Variants in CFAP251 observed in about 807,000 individuals in gnomAD.
CFAP251 encodes cilia and flagella associated protein 251, also known as cilia- and flagella-associated protein 251.
In CFAP251, 93 loss-of-function variants were observed where a neutral mutation model predicts 126.7. That is an observed-to-expected ratio of 0.73 (90% CI 0.62 to 0.87). The LOEUF (loss-of-function observed/expected upper bound fraction) is 0.87. Among genes scored for constraint, CFAP251 ranks in the 40% least tolerant of loss-of-function variants. The pLI is 0.00. For synonymous variants in CFAP251, 503 were observed against 506.9 expected, an observed-to-expected ratio of 0.99 and a Z score of 0.10; for missense variants, 1,287 against 1,389.2, an observed-to-expected ratio of 0.93 and a Z score of 1.17.
chr12:122,000,569 A>AAAAAG lies in CFAP251; in HGVS notation c.3235+640_3235+644dup, dbSNP rs916847749. On this transcript the variant is annotated intron_variant, in intron 20 of 21. Transcript: ENST00000288912. Reference sequence around the variant, plus strand: ...TGTCAAAAAAAAAAAAAAGAAAGAAAAAAAGAAAAGAAAAGAAAACAAATA... The same window carrying AAAAAG: ...TGTCAAAAAAAAAAAAAAGAAAGAAAAAAAGAAAAGAAAAGAAAAGAAAACAAATA... 4.8e-3 allele frequency among the ~76,000 whole-genome samples: 726 copies of AAAAAG among 151,920 alleles called. 9 individuals carry two copies. Among genetic ancestry groups the AAAAAG allele is most frequent in the African/African-American group, 0.017 (699 of 41,324 alleles).
In CFAP251 at chr12:121,968,138, C is replaced by T. The variant is rs766932086; in HGVS notation, c.2740C>T (p.Arg914Cys). The change falls in exon 17 of 22, where the codon CGC becomes TGC. Residue 914 changes from arginine to cysteine, a missense_variant. By Grantham distance (180) the Arg-to-Cys change is radical. Transcript: ENST00000288912. ...CGCCTTCACTGCGGGAGGGCACGAT[C>T]GCTCGGTGGTGCAGTGGAAAATCAC... The part of the protein sequence containing the change: ...CYAFTAGGHD[R>C]SVVQWKITLS... 20 of 1,610,716 alleles carry T rather than the reference C, an allele frequency of 1.2e-5. No individual in the cohort carries two copies. The highest frequency in any genetic ancestry group is 5.0e-5 in the Admixed American group (3 of 59,856).
intron 3 of CFAP251, among the ~76,000 whole-genome samples, chr12:121,924,518 C>T (rs2688409): frequency 0.3 from 44,642 of 149,018 alleles, 7,049 homozygotes; most frequent in East Asian, 0.5. Flanking sequence ...CTGCAACCTC[C>T]GCCTCCCGGG....
intron 5 of CFAP251, among the ~76,000 whole-genome samples, chr12:121,938,680 T>C (rs148944592): frequency 2.6e-3 from 390 of 148,850 alleles, no homozygotes; most frequent in African/African-American, 8.6e-3. Context: ...AATAGAAAAC[T>C]CTTAAATTTA....
At chr12:122,002,803 C>T (rs574692721) in intron 21 of CFAP251, among the ~76,000 whole-genome samples, 12 of 152,194 alleles carry the variant, frequency 7.9e-5, no homozygotes, top group South Asian at 2.1e-4. Flanking sequence ...CTGACAAGCC[C>T]GGGGATGGTC....
At chr12:121,924,366 C>T (rs1440109156) in intron 3 of CFAP251, among the ~76,000 whole-genome samples, 2 of 150,732 alleles carry the variant, frequency 1.3e-5, no homozygotes, top group South Asian at 2.1e-4. Flanking sequence ...CCACCTGCTT[C>T]GGTCTCCCAA....
intron 15 of CFAP251, 27 bp downstream of exon 15, chr12:121,962,189 G>T: frequency 6.2e-7 from 1 of 1,604,126 alleles, no homozygotes; most frequent in Non-Finnish European, 8.5e-7. Flanking sequence ...TCCCATTGCA[G>T]GGGGCGTGGA....
intron 3 of CFAP251, among the ~76,000 whole-genome samples, chr12:121,926,581 G>T (rs879382021): frequency 6.6e-6 from 1 of 152,102 alleles, no homozygotes; most frequent in Non-Finnish European, 1.5e-5. Flanking sequence ...TCCCGCCTCG[G>T]CCTCCCAAAG....
At chr12:121,926,718 G>T (rs1311958817) in intron 3 of CFAP251, among the ~76,000 whole-genome samples, 1 of 152,162 alleles carries the variant, frequency 6.6e-6, no homozygotes, top group Non-Finnish European at 1.5e-5. Context: ...CCCAAGGTGG[G>T]TGGATCACCT....
At chr12:121,956,025 A>G (rs879659050) in intron 10 of CFAP251, 10 of 152,206 alleles carry the variant, frequency 6.6e-5, no homozygotes, top group East Asian at 3.8e-4. Flanking sequence ...CACTCTGCAT[A>G]TGTAAGAGAA....
chr12:121,920,686 A>G (rs1278944379), intron 1 of CFAP251, among the ~76,000 whole-genome samples: 3 of 151,162 alleles, frequency 2.0e-5, no homozygotes, highest in African/African-American at 7.3e-5. Context: ...GTGAGCCACC[A>G]CGCCCGGCCA....
intron 3 of CFAP251, among the ~76,000 whole-genome samples, chr12:121,927,155 A>T (rs1880451571): frequency 6.7e-6 from 1 of 149,424 alleles, no homozygotes; most frequent in African/African-American, 2.5e-5. Context: ...ATGCCTGTGC[A>T]CATGGCTCAC....
intron 3 of CFAP251, among the ~76,000 whole-genome samples, chr12:121,930,199 A>T (rs1880625627): frequency 1.3e-5 from 2 of 152,058 alleles, no homozygotes; most frequent in South Asian, 4.1e-4. Flanking sequence ...TTTTTAAAAA[A>T]TACTTTGAGC....
Position 121,999,794 on chromosome 12 carries a change from G to A in CFAP251, c.3085G>A (p.Asp1029Asn), listed in dbSNP as rs781570711. The A allele has an allele frequency of 6.2e-7, 1 of 1,614,002 alleles. No individual in the cohort carries two copies. Among genetic ancestry groups the A allele is most frequent in the Non-Finnish European group, 8.5e-7 (1 of 1,179,956 alleles). The change falls in exon 20 of 22, where the codon GAT (aspartate) becomes AAT (asparagine). Residue 1029 changes from aspartate (D) to asparagine (N), a missense_variant. By Grantham distance (23) the Asp-to-Asn change is conservative. Transcript: ENST00000288912. The stretch of plus-strand genomic sequence containing the variant: ...GCTAATCGACAAGATCAACTTACCA[G>A]ATTTCCTAAAAGTGTACCTTAACCA... ...GKLIDKINLP[D>N]FLKVYLNHKP...
intron 19 of CFAP251, among the ~76,000 whole-genome samples, chr12:121,978,060 T>C (rs1221690366): frequency 6.6e-6 from 1 of 151,616 alleles, no homozygotes; most frequent in Non-Finnish European, 1.5e-5. Context: ...TGCTATATTT[T>C]CCCTTAATAG....
chr12:121,958,235 A>T, intron 11 of CFAP251, 37 bp from the exon 12 acceptor site: 1 of 1,609,714 alleles, frequency 6.2e-7, no homozygotes, highest in Non-Finnish European at 8.5e-7. Flanking sequence ...CATTCCCTGC[A>T]AACACTGATA....
chr12:122,002,282 G>A (rs555523962), intron 21 of CFAP251, among the ~76,000 whole-genome samples: 1 of 151,368 alleles, frequency 6.6e-6, no homozygotes, highest in Admixed American at 6.6e-5. Context: ...TTGAATCCAG[G>A]AGGTGGAGGT....
At chr12:121,965,189 C>T (rs1882079633) in intron 15 of CFAP251, among the ~76,000 whole-genome samples, 1 of 152,108 alleles carries the variant, frequency 6.6e-6, no homozygotes, top group Non-Finnish European at 1.5e-5. Flanking sequence ...GCCAATAAAC[C>T]TATGAGCAGA....
At chr12:121,992,232 T>A (rs1200134132) in intron 19 of CFAP251, 1 of 985,306 alleles carries the variant, frequency 1.0e-6, no homozygotes, top group Non-Finnish European at 1.2e-6. Context: ...CCGAGGTTCC[T>A]CTCCCAAGCA....
intron 19 of CFAP251, among the ~76,000 whole-genome samples, chr12:121,996,091 G>T (rs1173512433): frequency 6.6e-6 from 1 of 152,190 alleles, no homozygotes; most frequent in African/African-American, 2.4e-5. Flanking sequence ...CTGCAAACTG[G>T]TGTCCTCTGA....
Sources: gnomAD v4.1 joint callset for allele counts (sites outside exome capture counted in the v4.1 genomes callset) on GRCh38, gnomAD v4.1.1 for gene constraint, MANE v1.5 for transcripts, NCBI Gene and HGNC (gene_info 2026-07-23, HGNC 2026-07-21) for gene names.